The following NTNG1 variants were observed in gnomAD, a reference collection of about 807,000 sequenced individuals.
The protein encoded by NTNG1 is netrin-G1.
A neutral mutation model predicts 54.0 loss-of-function variants in NTNG1; 16 were observed. The observed-to-expected ratio is 0.30, with a 90% CI of 0.20 to 0.45. NTNG1 has a LOEUF of 0.45. Ranked by LOEUF, NTNG1 falls within the 20% of genes least tolerant of loss-of-function variation. NTNG1 has a pLI of 1.00. For synonymous variants in NTNG1, 255 were observed against 263.1 expected (o/e 0.97, Z 0.30); for missense variants, 530 against 678.7 (o/e 0.78, Z 2.43).
At chr1:107,444,006 T>G (rs1227026098) in intron 7 of NTNG1, among the ~76,000 whole-genome samples, 1 of 152,002 alleles carries the variant, frequency 6.6e-6, no homozygotes, top group Non-Finnish European at 1.5e-5. Flanking sequence ...AAGGAAAATA[T>G]TAGGAAGACA....
intron 2 of NTNG1, among the ~76,000 whole-genome samples, chr1:107,206,169 C>T (rs1423940128): frequency 3.3e-5 from 5 of 151,974 alleles, no homozygotes; most frequent in East Asian, 1.9e-4. Context: ...TTTCAGCTTT[C>T]GTGGACACTG....
intron 2 of NTNG1, among the ~76,000 whole-genome samples, chr1:107,254,319 T>C (rs1662796250): frequency 6.6e-6 from 1 of 152,214 alleles, no homozygotes; most frequent in Non-Finnish European, 1.5e-5. Context: ...AAAATTGAGG[T>C]GAATAAGCAC....
At chr1:107,377,259 T>C (rs368596277) in intron 3 of NTNG1, among the ~76,000 whole-genome samples, 2 of 152,164 alleles carry the variant, frequency 1.3e-5, no homozygotes, top group Non-Finnish European at 2.9e-5. Flanking sequence ...CCAGGAGGCA[T>C]CATGCAGTAG....
At chr1:107,163,351 A>T (rs1294832144) in intron 2 of NTNG1, among the ~76,000 whole-genome samples, 1 of 152,142 alleles carries the variant, frequency 6.6e-6, no homozygotes, top group Non-Finnish European at 1.5e-5. Context: ...TAATAAGATG[A>T]TGTACTTAGC....
intron 2 of NTNG1, among the ~76,000 whole-genome samples, chr1:107,294,682 A>T (rs532536334): frequency 6.6e-6 from 1 of 152,284 alleles, no homozygotes; most frequent in South Asian, 2.1e-4. Context: ...AAAAGTGGTC[A>T]ATTTGGTGAG....
chr1:107,159,730 C>T (rs1461557578), intron 2 of NTNG1, among the ~76,000 whole-genome samples: 1 of 152,098 alleles, frequency 6.6e-6, no homozygotes, highest in African/African-American at 2.4e-5. Context: ...AGCTACAATA[C>T]TATCATTTTG....
intron 2 of NTNG1, among the ~76,000 whole-genome samples, chr1:107,184,769 G>A (rs897217236): frequency 6.6e-6 from 1 of 152,156 alleles, no homozygotes; most frequent in Non-Finnish European, 1.5e-5. Flanking sequence ...TGTGTGAAAA[G>A]TTTATAAGGA....
intron 7 of NTNG1, 42 bp from the exon 8 acceptor site, chr1:107,480,569 T>TTC: frequency 3.3e-6 from 2 of 609,596 alleles, no homozygotes; most frequent in East Asian, 2.8e-5. Context: ...CTGCTTCTCC[T>TTC]CCCCGCGCCC....
intron 2 of NTNG1, among the ~76,000 whole-genome samples, chr1:107,252,502 CTGT>C (rs1662673959): frequency 6.6e-6 from 1 of 152,194 alleles, no homozygotes; most frequent in Non-Finnish European, 1.5e-5. Context: ...AAACTTCTGT[CTGT>C]TCTAGGCCAT....
chr1:107,201,064 G>A (rs886158749), intron 2 of NTNG1, among the ~76,000 whole-genome samples: 7 of 151,616 alleles, frequency 4.6e-5, no homozygotes, highest in Non-Finnish European at 1.0e-4. Context: ...TAAAACTGAA[G>A]GAAATAATTC....
intron 2 of NTNG1, among the ~76,000 whole-genome samples, chr1:107,184,109 C>G (rs907345816): frequency 6.6e-6 from 1 of 152,152 alleles, no homozygotes; most frequent in Non-Finnish European, 1.5e-5. Context: ...CCCCAACATT[C>G]CCAAAATCTC....
rs1216592707 is a variant in NTNG1, at chr1:107,433,138, T to A, written c.1255+2221T>A. Among the ~76,000 whole-genome samples, 3 of 152,354 alleles carry A rather than the reference T, an allele frequency of 2.0e-5. No individual in the cohort carries two copies. In the South Asian group the frequency reaches 6.2e-4, roughly 32 times the overall value. On this transcript the variant is annotated intron_variant, in intron 6 of 7. Transcript: ENST00000370068. ...TTTATTAATTAAAATTATAAACTTT[T>A]GGAAAATTCCATTTTATCGAGGTAA...
intron 2 of NTNG1, among the ~76,000 whole-genome samples, chr1:107,213,428 C>A (rs765941095): frequency 1.4e-4 from 21 of 152,086 alleles, no homozygotes; most frequent in Non-Finnish European, 2.6e-4. Flanking sequence ...TGGGAGTAGA[C>A]AAGAGGGGTG....
chr1:107,221,440 C>G (rs1347375528), intron 2 of NTNG1, among the ~76,000 whole-genome samples: 3 of 152,150 alleles, frequency 2.0e-5, no homozygotes, highest in Admixed American at 2.0e-4. Context: ...GGTAGACTAC[C>G]TCCATCTGCA....
At chr1:107,282,146 CA>C (rs1255447358) in intron 2 of NTNG1, among the ~76,000 whole-genome samples, 1 of 152,172 alleles carries the variant, frequency 6.6e-6, no homozygotes, top group East Asian at 1.9e-4. Flanking sequence ...TCATTTCTCA[CA>C]GTGGAAGTTT....
At chr1:107,206,945 G>A (rs530992346) in intron 2 of NTNG1, among the ~76,000 whole-genome samples, 1 of 152,110 alleles carries the variant, frequency 6.6e-6, no homozygotes, top group Non-Finnish European at 1.5e-5. Context: ...CTGATGTATA[G>A]TACTTTAAGT....
chr1:107,220,936 T>G (rs1043154837), intron 2 of NTNG1, among the ~76,000 whole-genome samples: 2 of 152,194 alleles, frequency 1.3e-5, no homozygotes, highest in South Asian at 4.1e-4. Context: ...AATCATTTTT[T>G]TTTTACTTAA....
chr1:107,288,425 C>T (rs17508821), intron 2 of NTNG1, among the ~76,000 whole-genome samples: 6,159 of 151,806 alleles, frequency 0.041, 159 homozygotes, highest in Middle Eastern at 0.068. Flanking sequence ...GAAGTACAAA[C>T]GGAAGCCAAG....
At chr1:107,203,597 T>C (rs1486846104) in intron 2 of NTNG1, among the ~76,000 whole-genome samples, 2 of 151,392 alleles carry the variant, frequency 1.3e-5, no homozygotes, top group African/African-American at 4.8e-5. Context: ...TGTGTATATA[T>C]ATACACATAT....
Sources: allele counts gnomAD v4.1 joint callset (sites outside exome capture counted in the v4.1 genomes callset), GRCh38; gene constraint gnomAD v4.1.1; transcripts MANE v1.5; gene names NCBI Gene and HGNC (gene_info 2026-07-23, HGNC 2026-07-21).